The following UBAC2 variants were observed in gnomAD, a reference collection of about 807,000 sequenced individuals.
The protein encoded by UBAC2 is ubiquitin-associated domain-containing protein 2.
In UBAC2, 26 loss-of-function variants were observed where a neutral mutation model predicts 44.0. That is an observed-to-expected ratio of 0.59 (90% CI 0.43 to 0.82). The LOEUF is 0.82. Among genes scored for constraint, UBAC2 ranks in the 40% least tolerant of loss-of-function variants. The pLI is 0.00. For synonymous variants in UBAC2, 155 were observed against 154.3 expected, an observed-to-expected ratio of 1.00 and a Z score of -0.04; for missense variants, 329 against 419.4, an observed-to-expected ratio of 0.78 and a Z score of 1.88.
chr13:99,368,392 T>C (rs764954115), intron 8 of UBAC2, among the ~76,000 whole-genome samples: 10 of 152,100 alleles, frequency 6.6e-5, no homozygotes, highest in African/African-American at 1.9e-4. Flanking sequence ...CATAATCACA[T>C]TGAAGGAGGG....
intron 4 of UBAC2, among the ~76,000 whole-genome samples, chr13:99,290,717 C>T (rs1373119839): frequency 1.4e-5 from 2 of 138,466 alleles, no homozygotes; most frequent in African/African-American, 5.4e-5. Flanking sequence ...AGCGAGACAC[C>T]GTTTCACCAC....
chr13:99,201,499 C>G (rs2042798854), intron 1 of UBAC2: 1 of 1,613,958 alleles, frequency 6.2e-7, no homozygotes. Flanking sequence ...GTTAGGAAGT[C>G]GTGGCGAGGG....
At chr13:99,356,945 C>G (rs1217100701) in intron 7 of UBAC2, among the ~76,000 whole-genome samples, 1 of 151,998 alleles carries the variant, frequency 6.6e-6, no homozygotes, top group Non-Finnish European at 1.5e-5. Flanking sequence ...TTTGGTTTTT[C>G]CCCAGTTTTG....
chr13:99,205,372 G>A (rs1009013692), intron 1 of UBAC2, among the ~76,000 whole-genome samples: 1 of 152,122 alleles, frequency 6.6e-6, no homozygotes, highest in African/African-American at 2.4e-5. Context: ...TGCTGTAGGA[G>A]GGAAGAGGAG....
chr13:99,333,944 A>G (rs2044751305), intron 6 of UBAC2, among the ~76,000 whole-genome samples: 3 of 152,090 alleles, frequency 2.0e-5, no homozygotes, highest in African/African-American at 7.2e-5. Context: ...AATTTATTTA[A>G]AAACCTGATT....
At chr13:99,378,343 A>C (rs2045508377) in intron 8 of UBAC2, among the ~76,000 whole-genome samples, 2 of 152,140 alleles carry the variant, frequency 1.3e-5, no homozygotes, top group African/African-American at 2.4e-5. Context: ...CCTGGCCAAC[A>C]TAGTGAAACC....
chr13:99,209,905 C>T (rs11841930), intron 1 of UBAC2, among the ~76,000 whole-genome samples: 145 of 152,146 alleles, frequency 9.5e-4, no homozygotes, highest in African/African-American at 3.2e-3. Flanking sequence ...ACCCAGGAGG[C>T]GGAGGTTGCA....
At chr13:99,260,731 A>T (rs1441402917) in intron 4 of UBAC2, among the ~76,000 whole-genome samples, 3 of 152,090 alleles carry the variant, frequency 2.0e-5, no homozygotes, top group Non-Finnish European at 1.5e-5. Context: ...TTTTTCCCCA[A>T]ACAGAGGAAC....
intron 1 of UBAC2, among the ~76,000 whole-genome samples, chr13:99,220,858 T>C (rs934843194): frequency 1.3e-5 from 2 of 152,180 alleles, no homozygotes; most frequent in African/African-American, 4.8e-5. Flanking sequence ...AATTATTTTT[T>C]CTAATTGTCA....
intron 8 of UBAC2, among the ~76,000 whole-genome samples, chr13:99,371,164 T>A (rs2045401073): frequency 6.6e-6 from 1 of 152,082 alleles, no homozygotes; most frequent in Non-Finnish European, 1.5e-5. Flanking sequence ...TGTTTTTTTT[T>A]TTGTTTAATG....
At chr13:99,343,183 T>C (rs1377737726) in intron 7 of UBAC2, among the ~76,000 whole-genome samples, 3 of 152,214 alleles carry the variant, frequency 2.0e-5, no homozygotes, top group Non-Finnish European at 4.4e-5. Context: ...CCCACCTGGC[T>C]TGGTAACTTG....
intron 6 of UBAC2, among the ~76,000 whole-genome samples, chr13:99,318,669 A>G (rs2138777714): frequency 6.6e-6 from 1 of 151,388 alleles, no homozygotes; most frequent in East Asian, 2.0e-4. Context: ...AAATACAGAA[A>G]AATTTGCTGG....
chr13:99,385,663 A>T lies in UBAC2; in HGVS notation c.*328A>T, dbSNP rs2045610646. ...AGTTGAATGGCACTCCAGATGGGGAATTGCTGTAACCCTCTTACTGTAACA... is the reference window on the plus strand; with the variant it reads ...AGTTGAATGGCACTCCAGATGGGGATTTGCTGTAACCCTCTTACTGTAACA... On this transcript the variant is annotated 3_prime_UTR_variant, in exon 9 of 9. Coordinates refer to ENST00000403766, the MANE Select transcript of UBAC2 (RefSeq NM_001144072.2). The T allele has an allele frequency of 3.4e-6, 1 of 296,178 alleles. No homozygotes were observed. The highest frequency in any genetic ancestry group is 6.5e-6 in the Non-Finnish European group (1 of 153,506). 18.3% of individuals were successfully genotyped at this position (296,178 alleles called of 1,614,324 possible). A position where few individuals can be genotyped will look rare whatever the true frequency, so the allele number is the denominator to read the frequency against.
chr13:99,351,938 C>T (rs908693076), intron 7 of UBAC2: 16 of 353,068 alleles, frequency 4.5e-5, no homozygotes, highest in Non-Finnish European at 8.5e-5. Context: ...CACGTGCTTT[C>T]AGTTACTTTC....
intron 4 of UBAC2, among the ~76,000 whole-genome samples, chr13:99,297,982 TTAA>T (rs2044201571): frequency 6.6e-5 from 10 of 152,022 alleles, no homozygotes; most frequent in Admixed American, 5.9e-4. Context: ...AAATTCAATA[TTAA>T]TAGGAATACA....
At chr13:99,371,232 T>G (rs1380207394) in intron 8 of UBAC2, among the ~76,000 whole-genome samples, 4 of 151,122 alleles carry the variant, frequency 2.6e-5, no homozygotes, top group Non-Finnish European at 5.9e-5. Flanking sequence ...CTTGTCAACA[T>G]CAGTTTAAAA....
At chr13:99,248,478 G>A (rs1003357377) in intron 4 of UBAC2, among the ~76,000 whole-genome samples, 3 of 149,290 alleles carry the variant, frequency 2.0e-5, no homozygotes, top group African/African-American at 7.5e-5. Context: ...TGCAACCTCT[G>A]CCTCCCTGGT....
chr13:99,386,342 G>A lies in UBAC2; in HGVS notation c.*1007G>A, dbSNP rs914350146. 5.9e-5 allele frequency: 9 copies of A among 152,274 alleles called. No individual in the cohort carries two copies. Among genetic ancestry groups the A allele is most frequent in the East Asian group, 1.9e-4 (1 of 5,204 alleles). The allele number at this position is 152,274 out of a possible 1,614,324, so 9.4% of individuals were successfully genotyped here. On this transcript the variant is annotated 3_prime_UTR_variant, in exon 9 of 9. Transcript: ENST00000403766. ...AAGTTGACTCTTGCAATGTGCAACT[G>A]TTATGTTCTGCAAAATGAGCAACGA...
At chr13:99,350,055 C>T (rs1254855931) in intron 7 of UBAC2, among the ~76,000 whole-genome samples, 2 of 152,158 alleles carry the variant, frequency 1.3e-5, no homozygotes. Flanking sequence ...CACAATGTCC[C>T]TTCAGCACCT....
Sources: allele counts gnomAD v4.1 joint callset (sites outside exome capture counted in the v4.1 genomes callset), GRCh38; gene constraint gnomAD v4.1.1; transcripts MANE v1.5; gene names NCBI Gene and HGNC (gene_info 2026-07-23, HGNC 2026-07-21).